The following DNTTIP2 variants were observed in gnomAD, a reference collection of about 807,000 sequenced individuals.
DNTTIP2 encodes deoxynucleotidyltransferase terminal-interacting protein 2.
DNTTIP2 carries 47 observed loss-of-function variants against 62.4 expected under a neutral mutation model. The observed-to-expected ratio is 0.75, with a 90% CI of 0.60 to 0.96. DNTTIP2 has a LOEUF of 0.96. DNTTIP2 is among the 40% of genes least tolerant of loss of function. The pLI is 0.00. For synonymous variants in DNTTIP2, 322 were observed against 300.9 expected, an observed-to-expected ratio of 1.07 and a Z score of -0.73; for missense variants, 870 against 849.1, an observed-to-expected ratio of 1.02 and a Z score of -0.31.
Position 93,869,781 on chromosome 1 carries a change from T to TA in DNTTIP2, c.*69dup, listed in dbSNP as rs1463620121. On this transcript the variant is annotated 3_prime_UTR_variant, in exon 7 of 7. Coordinates refer to ENST00000436063, the MANE Select transcript of DNTTIP2 (RefSeq NM_014597.5). The stretch of plus-strand genomic sequence containing the variant: ...GGTAAATTAATTTAGATGATGGTGT[T>TA]AGTTTTCCAAACGTCTTTAATAAGT... 1.6e-5 allele frequency: 12 copies of TA among 729,088 alleles called. No homozygotes were observed. Among genetic ancestry groups the TA allele is most frequent in the Non-Finnish European group, 2.6e-5 (10 of 389,626 alleles). 45.2% of individuals were successfully genotyped at this position (729,088 alleles called of 1,614,324 possible). A position where few individuals can be genotyped will look rare whatever the true frequency, so the allele number is the denominator to read the frequency against.
At position 93,877,781 on chromosome 1, in the gene DNTTIP2, T is replaced by G. The variant is rs1362202176; in HGVS notation, c.154A>C (p.Thr52Pro). 4 of 1,611,374 alleles carry G rather than the reference T, an allele frequency of 2.5e-6. No homozygotes were observed. In the South Asian group the frequency reaches 4.4e-5, roughly 18 times the overall value. The change falls in exon 2 of 7, where the codon ACT becomes CCT. Residue 52 changes from threonine (T) to proline (P), a missense_variant. By Grantham distance (38) the Thr-to-Pro change is conservative. Transcript: ENST00000436063. ...DARTTAESQT[T>P]GKQSLIPRTP... ...CTAGGGATTAAACTTTGCTTCCCAG[T>G]GGTCTGTGATTCAGCAGTAGTTCGG...
chr1:93,873,634 G>C (rs964493108), intron 3 of DNTTIP2, among the ~76,000 whole-genome samples: 1 of 135,554 alleles, frequency 7.4e-6, no homozygotes, highest in Non-Finnish European at 1.6e-5. Flanking sequence ...AAAAAAAAAA[G>C]AAAAAAGAAA....
In DNTTIP2 at chr1:93,872,119, T is replaced by G; in HGVS notation, c.2020A>C (p.Arg674=). The G allele has an allele frequency of 6.2e-7, 1 of 1,613,910 alleles. No individual in the cohort carries two copies. Among genetic ancestry groups the G allele is most frequent in the Non-Finnish European group, 8.5e-7 (1 of 1,179,822 alleles). ...TCTCTATCATTTTTCTTGTAAAATCTTTTCGGGTCCATGCTGGCTCTCATC... is the reference window on the plus strand; with the variant it reads ...TCTCTATCATTTTTCTTGTAAAATCGTTTCGGGTCCATGCTGGCTCTCATC... The part of the protein sequence containing the change: ...LKMRASMDPK[R]FYKKNDRDGF... The change falls in exon 5 of 7, where the codon AGA becomes CGA. Residue 674 remains arginine, a synonymous_variant. Coordinates refer to ENST00000436063, the MANE Select transcript of DNTTIP2 (RefSeq NM_014597.5).
chr1:93,875,763 C>A lies in DNTTIP2; in HGVS notation c.1688G>T (p.Ser563Ile), dbSNP rs776883430. Reference protein sequence around the residue: ...KAKLLKLTSSSIDPGLSIKQL... With the variant: ...KAKLLKLTSSIIDPGLSIKQL... ...CTTGATACTCAGACCAGGGTCTATGCTGCTGCTTGTCAACTTCAGACTGAA... is the reference window on the plus strand; with the variant it reads ...CTTGATACTCAGACCAGGGTCTATGATGCTGCTTGTCAACTTCAGACTGAA... The change falls in exon 3 of 7, where the codon AGC (serine) becomes ATC (isoleucine). Residue 563 changes from serine (S) to isoleucine (I), a missense_variant. Ser to Ile is a moderately radical substitution (Grantham distance 142, BLOSUM62 -2). Transcript: ENST00000436063. 114 of 1,609,982 alleles carry A rather than the reference C, an allele frequency of 7.1e-5. No individual in the cohort carries two copies. Among genetic ancestry groups the A allele is most frequent in the Non-Finnish European group, 9.3e-5 (110 of 1,178,998 alleles).
rs1241679322 is a variant in DNTTIP2 at position 93,870,622 on chromosome 1, TAA to T, written c.2177+59_2177+60del. ...TATTTTTAAATTATTTGAAAATTTA[TAA>T]GTTTATACATTTTTAAAGCAAAGTA... is the stretch of plus-strand genomic sequence containing the variant. On this transcript the variant is annotated intron_variant, in intron 6 of 6. Transcript: ENST00000436063. 52 of 854,364 alleles carry T rather than the reference TAA, an allele frequency of 6.1e-5. 2 individuals carry two copies. Among genetic ancestry groups the T allele is most frequent in the African/African-American group, 3.8e-4 (22 of 58,234 alleles). 52.9% of individuals were successfully genotyped at this position (854,364 alleles called of 1,614,324 possible). A position where few individuals can be genotyped will look rare whatever the true frequency, so the allele number is the denominator to read the frequency against.
In DNTTIP2 at chr1:93,876,914, T is replaced by C. The variant is rs3179879; in HGVS notation, c.1021A>G (p.Thr341Ala). The C allele has an allele frequency of 6.2e-7, 1 of 1,613,546 alleles. No homozygotes were observed. The highest frequency in any genetic ancestry group is 8.5e-7 in the Non-Finnish European group (1 of 1,179,794). The change falls in exon 2 of 7, where the codon ACC becomes GCC. Residue 341 changes from threonine (T) to alanine (A), a missense_variant. Physicochemically the swap from Thr to Ala is moderately conservative, Grantham distance 58. Coordinates refer to ENST00000436063, the MANE Select transcript of DNTTIP2 (RefSeq NM_014597.5). Reference protein sequence around the residue: ...LQQLVSQRHSTPQNKNAVSVH... With the variant: ...LQQLVSQRHSAPQNKNAVSVH... ...GATACAGCATTTTTATTTTGGGGGGTTGAATGTCTCTGAGAAACTAACTGT... is the reference window on the plus strand; with the variant it reads ...GATACAGCATTTTTATTTTGGGGGGCTGAATGTCTCTGAGAAACTAACTGT...
chr1:93,877,874 A>C lies in DNTTIP2; in HGVS notation c.73-12T>G, dbSNP rs1571186632. ...TTAGCAGCAAAACTCTGCAAACCAGAGAAAACACACTGTAATTTAGGTAGG... is the reference window on the plus strand; with the variant it reads ...TTAGCAGCAAAACTCTGCAAACCAGCGAAAACACACTGTAATTTAGGTAGG... On this transcript the variant is annotated splice_polypyrimidine_tract_variant and intron_variant, in intron 1 of 6. Transcript: ENST00000436063. 1 of 1,595,448 alleles carries C rather than the reference A, an allele frequency of 6.3e-7. No homozygotes were observed. The highest frequency in any genetic ancestry group is 2.2e-5 in the East Asian group (1 of 44,848).
At chr1:93,873,927 G>GT (rs1251612891) in intron 3 of DNTTIP2, among the ~76,000 whole-genome samples, 1 of 152,192 alleles carries the variant, frequency 6.6e-6, no homozygotes, top group Non-Finnish European at 1.5e-5. Context: ...CAAGAACCAA[G>GT]TAAGACTGCT....
At position 93,867,969 on chromosome 1, in the gene DNTTIP2, C is replaced by T. The variant is rs1478502562; in HGVS notation, c.*1882G>A. 6.6e-6 allele frequency: 1 copy of T among 152,012 alleles called. No homozygotes were observed. Among genetic ancestry groups the T allele is most frequent in the Non-Finnish European group, 1.5e-5 (1 of 68,018 alleles). 9.4% of individuals were successfully genotyped at this position (152,012 alleles called of 1,614,324 possible). A position where few individuals can be genotyped will look rare whatever the true frequency, so the allele number is the denominator to read the frequency against. ...TGGGCAGACTGCATGACTAAAACAC[C>T]AAAAGCAATGGCAACAAAAGGCAAA... On this transcript the variant is annotated 3_prime_UTR_variant, in exon 7 of 7. Transcript: ENST00000436063.
intron 1 of DNTTIP2, among the ~76,000 whole-genome samples, chr1:93,878,270 C>T (rs1656069090): frequency 6.6e-6 from 1 of 152,184 alleles, no homozygotes; most frequent in African/African-American, 2.4e-5. Context: ...CGCCACTGCA[C>T]TCTAGCCTGG....
intron 5 of DNTTIP2, among the ~76,000 whole-genome samples, chr1:93,871,739 G>C (rs1655867785): frequency 6.6e-6 from 1 of 152,192 alleles, no homozygotes. Context: ...ACTTGGATTA[G>C]TACACGTGAT....
rs560230412 is a variant in DNTTIP2 at position 93,877,662 on chromosome 1, C to T, written c.273G>A (p.Glu91=). The T allele has an allele frequency of 6.8e-6, 11 of 1,613,990 alleles. No homozygotes were observed. Among genetic ancestry groups the T allele is most frequent in the Non-Finnish European group, 3.4e-6 (4 of 1,179,888 alleles). Residue 91 remains glutamate (E), a synonymous_variant, in exon 2 of 7, where the codon GAG becomes GAA. Coordinates refer to ENST00000436063, the MANE Select transcript of DNTTIP2 (RefSeq NM_014597.5). ...GGTGCTCAGACACAGAATAATTTGA[C>T]TCTGCCTCAGAGGTTTCTCCATCCG... ...PSTDGETSEA[E]SNYSVSEHHD... is the part of the protein sequence containing the mutation.
At chr1:93,870,847 CT>C in intron 5 of DNTTIP2, 55 bp from the exon 6 acceptor site, 1 of 864,874 alleles carries the variant, frequency 1.2e-6, no homozygotes, top group Non-Finnish European at 1.8e-6. Flanking sequence ...TGCTTTCATA[CT>C]TCAGTGTAGC....
chr1:93,870,812 A>G lies in DNTTIP2; in HGVS notation c.2068-20T>C, dbSNP rs1266830013. The G allele has an allele frequency of 5.0e-6, 7 of 1,411,498 alleles. No homozygotes were observed. The highest frequency in any genetic ancestry group is 6.8e-6 in the Non-Finnish European group (7 of 1,035,428). 87.4% of individuals were successfully genotyped at this position (1,411,498 alleles called of 1,614,324 possible). A position where few individuals can be genotyped will look rare whatever the true frequency, so the allele number is the denominator to read the frequency against. On this transcript the variant is annotated intron_variant, in intron 5 of 6. Coordinates refer to ENST00000436063, the MANE Select transcript of DNTTIP2 (RefSeq NM_014597.5). ...TCCAATCTGTGAACAATTGATTGAA[A>G]TAAGTCATGCATTGAGTGCCAAGAT... is the stretch of plus-strand genomic sequence containing the variant.
intron 6 of DNTTIP2, among the ~76,000 whole-genome samples, chr1:93,870,323 G>A (rs1655826414): frequency 1.3e-5 from 2 of 152,152 alleles, no homozygotes; most frequent in South Asian, 2.1e-4. Flanking sequence ...AGCGACCAAT[G>A]GTTTTCAAAG....
chr1:93,875,520 A>G, intron 3 of DNTTIP2, 125 bp downstream of exon 3: 1 of 891,474 alleles, frequency 1.1e-6, no homozygotes, highest in Non-Finnish European at 1.6e-6. Context: ...TTTTAGAGAG[A>G]AGGAAAAAAC....
intron 4 of DNTTIP2, 40 bp from the exon 5 acceptor site, chr1:93,872,276 A>G: frequency 1.3e-6 from 2 of 1,590,860 alleles, no homozygotes; most frequent in Non-Finnish European, 1.7e-6. Context: ...CTAACAGCTA[A>G]GAGTATACAT....
rs773542914 is a variant in DNTTIP2, at chr1:93,873,132, T to G, written c.1889A>C (p.Gln630Pro). The stretch of plus-strand genomic sequence containing the variant: ...CACTGTACTTACTCTGCGTTTTTTC[T>G]GAAGTTGATACTTTGATTCACTATA... Reference protein sequence around the residue: ...PPYSESKYQLQKKRRKERQKT... With the variant: ...PPYSESKYQLPKKRRKERQKT... The change falls in exon 4 of 7, where the codon CAG becomes CCG. Residue 630 changes from glutamine to proline, a missense_variant. Coordinates refer to ENST00000436063, the MANE Select transcript of DNTTIP2 (RefSeq NM_014597.5). The G allele has an allele frequency of 1.9e-6, 3 of 1,610,314 alleles. No homozygotes were observed. The African/African-American group carries it at 4.0e-5, about 22-fold the overall frequency.
intron 4 of DNTTIP2, 31 bp downstream of exon 4, chr1:93,873,088 C>G: frequency 6.8e-7 from 1 of 1,465,398 alleles, no homozygotes; most frequent in African/African-American, 1.4e-5. Context: ...CCAAACATAT[C>G]TAAGCATTTT....
Sources: gnomAD v4.1 joint callset for allele counts (sites outside exome capture counted in the v4.1 genomes callset) on GRCh38, gnomAD v4.1.1 for gene constraint, MANE v1.5 for transcripts, NCBI Gene and HGNC (gene_info 2026-07-23, HGNC 2026-07-21) for gene names.